Variants in FBXO39 observed in about 807,000 individuals in gnomAD.
FBXO39 encodes the protein F-box only protein 39.
A neutral mutation model predicts 36.6 loss-of-function variants in FBXO39; 22 were observed. The observed-to-expected ratio is 0.60, with a 90% CI of 0.43 to 0.86. The LOEUF (loss-of-function observed/expected upper bound fraction) is 0.86. Among genes scored for constraint, FBXO39 ranks in the 40% least tolerant of loss-of-function variants. The pLI is 0.00. For synonymous variants in FBXO39, 206 were observed against 205.8 expected, an observed-to-expected ratio of 1.00 and a Z score of -0.01; for missense variants, 536 against 543.9, an observed-to-expected ratio of 0.99 and a Z score of 0.14.
Position 6,779,841 on chromosome 17 carries a change from C to T in FBXO39, c.-28C>T, listed in dbSNP as rs1465629755. The T allele has an allele frequency of 1.2e-6, 2 of 1,608,206 alleles. No homozygotes were observed. The highest frequency in any genetic ancestry group is 1.7e-6 in the Non-Finnish European group (2 of 1,176,994). On this transcript the variant is annotated 5_prime_UTR_variant, in exon 2 of 4. The change creates a premature stop within an existing upstream ORF in the 5' untranslated region. Transcript: ENST00000321535. ...ATTTTTGGAAGCCCTGCCTAACACA[C>T]AGCTGCACTGTACATCCCAGTTCCT... is the stretch of plus-strand genomic sequence containing the variant.
chr17:6,780,281 G>T lies in FBXO39; in HGVS notation c.413G>T (p.Arg138Leu), dbSNP rs536953500. 1.9e-6 allele frequency: 3 copies of T among 1,614,098 alleles called. No individual in the cohort carries two copies. The highest frequency in any genetic ancestry group is 2.5e-6 in the Non-Finnish European group (3 of 1,180,008). The change falls in exon 2 of 4, where the codon CGC becomes CTC. Residue 138 changes from arginine to leucine, a missense_variant. Arg to Leu is a moderately radical substitution (Grantham distance 102, BLOSUM62 -2). Transcript: ENST00000321535. ...SLSIQYLELD[R>L]LVWRNSIRSS... The stretch of plus-strand genomic sequence containing the variant: ...TCCATCCAATACCTGGAGCTGGACC[G>T]CCTGGTATGGAGGAACAGCATCAGG...
Position 6,780,170 on chromosome 17 carries a change from A to G in FBXO39, c.302A>G (p.Asn101Ser). The change falls in exon 2 of 4, where the codon AAT (asparagine) becomes AGT (serine). Residue 101 changes from asparagine (N) to serine (S), a missense_variant. Coordinates refer to ENST00000321535, the MANE Select transcript of FBXO39 (RefSeq NM_153230.3). Reference protein sequence around the residue: ...HLEVKFMNPYNAVLTKKFQVT... With the variant: ...HLEVKFMNPYSAVLTKKFQVT... ...GAGGTCAAATTCATGAATCCTTACA[A>G]TGCTGTCTTGACCAAGAAGTTCCAG... 1 of 1,614,136 alleles carries G rather than the reference A, an allele frequency of 6.2e-7. No homozygotes were observed. The highest frequency in any genetic ancestry group is 8.5e-7 in the Non-Finnish European group (1 of 1,180,020).
chr17:6,778,965 C>T (rs1212311772), intron 1 of FBXO39, among the ~76,000 whole-genome samples: 1 of 152,166 alleles, frequency 6.6e-6, no homozygotes, highest in Admixed American at 6.5e-5. Context: ...CAGGAGTGTC[C>T]TTTCCACACC....
chr17:6,787,000 T>A lies in FBXO39; in HGVS notation c.1200+44T>A, dbSNP rs140217246. Reference sequence around the variant, plus strand: ...GGTTCCACGGCGTAGAGTGGGGGCATCCAGGAATGGTGCTTCTGCTCTGGA... The same window carrying A: ...GGTTCCACGGCGTAGAGTGGGGGCAACCAGGAATGGTGCTTCTGCTCTGGA... On this transcript the variant is annotated intron_variant, in intron 3 of 3. Transcript: ENST00000321535. The A allele has an allele frequency of 1.3e-5, 21 of 1,569,736 alleles. No homozygotes were observed. The East Asian group carries it at 4.7e-4, about 35-fold the overall frequency.
chr17:6,780,341 A>C lies in FBXO39; in HGVS notation c.473A>C (p.Lys158Thr). The C allele has an allele frequency of 6.2e-7, 1 of 1,614,130 alleles. No individual in the cohort carries two copies. The highest frequency in any genetic ancestry group is 8.5e-7 in the Non-Finnish European group (1 of 1,180,030). ...SFISSLSFFL[K>T]KMGKRLDYLN... is the part of the protein sequence containing the mutation. ...ATCAGCAGCTTGAGCTTCTTCTTAA[A>C]GAAGATGGGCAAACGCCTGGATTAT... The change falls in exon 2 of 4, where the codon AAG becomes ACG. Residue 158 changes from lysine (K) to threonine (T), a missense_variant. Transcript: ENST00000321535.
intron 3 of FBXO39, 109 bp from the exon 4 acceptor site, chr17:6,787,189 TAA>T: frequency 6.9e-7 from 1 of 1,452,846 alleles, no homozygotes; most frequent in South Asian, 1.4e-5. Context: ...GTAGATCATT[TAA>T]GTTGCTGTCA....
chr17:6,781,405 G>T (rs74876215), intron 2 of FBXO39, among the ~76,000 whole-genome samples: 7,291 of 152,166 alleles, frequency 0.048, 540 homozygotes, highest in African/African-American at 0.16. Context: ...AGAGTTTCTG[G>T]GTTGTTCCCT....
At position 6,786,598 on chromosome 17, in the gene FBXO39, A is replaced by T. The variant is rs1395160732; in HGVS notation, c.1024-182A>T. On this transcript the variant is annotated intron_variant, in intron 2 of 3. Transcript: ENST00000321535. The stretch of plus-strand genomic sequence containing the variant: ...TTACACATTGTATGCCTACATCAAA[A>T]TATCCCATATACCCCATAAATATAT... 2.0e-5 allele frequency among the ~76,000 whole-genome samples: 3 copies of T among 152,334 alleles called. No individual in the cohort carries two copies. In the East Asian group the frequency reaches 5.8e-4, roughly 29 times the overall value.
rs558767788 is a variant in FBXO39 at position 6,780,767 on chromosome 17, G to A, written c.899G>A (p.Arg300Gln). The part of the protein sequence containing the change: ...ERIMKYERLA[R>Q]ILLQEIPIRS... Reference sequence around the variant, plus strand: ...ATCATGAAGTACGAACGCTTGGCCCGAATCCTCTTGCAGGAGATCCCGATC... The same window carrying A: ...ATCATGAAGTACGAACGCTTGGCCCAAATCCTCTTGCAGGAGATCCCGATC... The change falls in exon 2 of 4, where the codon CGA (arginine) becomes CAA (glutamine). Residue 300 changes from arginine to glutamine, a missense_variant. Physicochemically the swap from Arg to Gln is conservative, Grantham distance 43. Coordinates refer to ENST00000321535, the MANE Select transcript of FBXO39 (RefSeq NM_153230.3). The A allele has an allele frequency of 9.9e-6, 16 of 1,614,000 alleles. No homozygotes were observed. The highest frequency in any genetic ancestry group is 3.3e-5 in the South Asian group (3 of 91,072).
In FBXO39 at chr17:6,780,262, C is replaced by G. The variant is rs1457607890; in HGVS notation, c.394C>G (p.Gln132Glu). 6.2e-7 allele frequency: 1 copy of G among 1,614,168 alleles called. No individual in the cohort carries two copies. The highest frequency in any genetic ancestry group is 8.5e-7 in the Non-Finnish European group (1 of 1,180,044). The change falls in exon 2 of 4, where the codon CAA becomes GAA. Residue 132 changes from glutamine (Q) to glutamate (E), a missense_variant. Physicochemically the swap from Gln to Glu is conservative, Grantham distance 29. Coordinates refer to ENST00000321535, the MANE Select transcript of FBXO39 (RefSeq NM_153230.3). ...CAACCGTCTGAAATCTCTTTCCATC[C>G]AATACCTGGAGCTGGACCGCCTGGT... ...SNNRLKSLSI[Q>E]YLELDRLVWR...
At chr17:6,778,018 G>T (rs1181970061) in intron 1 of FBXO39, among the ~76,000 whole-genome samples, 1 of 152,154 alleles carries the variant, frequency 6.6e-6, no homozygotes, top group Non-Finnish European at 1.5e-5. Context: ...CCACAACTGT[G>T]CTTACTTGAG....
rs767820416 is a variant in FBXO39 at position 6,787,476 on chromosome 17, A to G, written c.*48A>G. On this transcript the variant is annotated 3_prime_UTR_variant, in exon 4 of 4. Coordinates refer to ENST00000321535, the MANE Select transcript of FBXO39 (RefSeq NM_153230.3). The stretch of plus-strand genomic sequence containing the variant: ...AGCTGGGAGCACTTTGAACTTGAAA[A>G]TCATTTCTCTTAGAACTACACTTGG... The G allele has an allele frequency of 7.5e-6, 12 of 1,607,722 alleles. No individual in the cohort carries two copies. Among genetic ancestry groups the G allele is most frequent in the Non-Finnish European group, 8.5e-6 (10 of 1,176,292 alleles).
At chr17:6,786,635 C>A in intron 2 of FBXO39, 145 bp from the exon 3 acceptor site, 2 of 627,592 alleles carry the variant, frequency 3.2e-6, no homozygotes, top group Non-Finnish European at 5.4e-6. Context: ...TACCTATGTA[C>A]CACAAAAATT....
intron 1 of FBXO39, among the ~76,000 whole-genome samples, chr17:6,778,177 A>G (rs767227291): frequency 1.3e-5 from 2 of 152,264 alleles, no homozygotes; most frequent in Non-Finnish European, 2.9e-5. Flanking sequence ...AGCCACAGGA[A>G]TAAGTCCGAC....
intron 2 of FBXO39, among the ~76,000 whole-genome samples, chr17:6,784,929 A>ATATATATATGTG (rs1491434533): frequency 7.3e-6 from 1 of 136,212 alleles, no homozygotes; most frequent in African/African-American, 3.1e-5. Flanking sequence ...ATATATATAT[A>ATATATATATGTG]TGTGTGTGTG....
rs199871206 is a variant in FBXO39, at chr17:6,780,091, G to A, written c.223G>A (p.Val75Ile). Residue 75 changes from valine (V) to isoleucine (I), a missense_variant, in exon 2 of 4, where the codon GTT becomes ATT. Transcript: ENST00000321535. ...GRPSRVHASEVESAVWYVKKF... is the reference protein window; with the variant it reads ...GRPSRVHASEIESAVWYVKKF... ...ACCTTCCAGGGTACATGCATCTGAA[G>A]TTGAGTCAGCTGTTTGGTATGTTAA... is the stretch of plus-strand genomic sequence containing the variant. The A allele has an allele frequency of 3.1e-6, 5 of 1,614,120 alleles. No individual in the cohort carries two copies. Among genetic ancestry groups the A allele is most frequent in the Non-Finnish European group, 3.4e-6 (4 of 1,180,052 alleles).
intron 2 of FBXO39, among the ~76,000 whole-genome samples, chr17:6,782,632 T>C (rs931584467): frequency 1.2e-4 from 19 of 152,258 alleles, no homozygotes; most frequent in Non-Finnish European, 2.1e-4. Flanking sequence ...GCTATACTTA[T>C]ATCAGACAAA....
At chr17:6,781,180 G>A (rs1388165368) in intron 2 of FBXO39, among the ~76,000 whole-genome samples, 1 of 152,216 alleles carries the variant, frequency 6.6e-6, no homozygotes, top group African/African-American at 2.4e-5. Flanking sequence ...CCTGAGCCAG[G>A]AGGTGCCTTG....
chr17:6,784,929 A>ATATATATATATGTGTGTG (rs1491434533), intron 2 of FBXO39, among the ~76,000 whole-genome samples: 20 of 136,232 alleles, frequency 1.5e-4, no homozygotes, highest in African/African-American at 5.2e-4. Flanking sequence ...ATATATATAT[A>ATATATATATATGTGTGTG]TGTGTGTGTG....
Sources: gnomAD v4.1 joint callset for allele counts (sites outside exome capture counted in the v4.1 genomes callset) on GRCh38, gnomAD v4.1.1 for gene constraint, MANE v1.5 for transcripts, NCBI Gene and HGNC (gene_info 2026-07-23, HGNC 2026-07-21) for gene names.